The following FOXN3 variants were observed in gnomAD, a reference collection of about 807,000 sequenced individuals.
The protein encoded by FOXN3 is forkhead box protein N3.
FOXN3 carries 7 observed loss-of-function variants against 38.4 expected under a neutral mutation model. The ratio of observed to expected loss-of-function variants is 0.18; its 90% CI spans 0.10 to 0.34. The LOEUF is 0.34. Ranked by LOEUF, FOXN3 falls within the 10% of genes least tolerant of loss-of-function variation. The probability of loss-of-function intolerance (pLI) is 1.00; values close to 1 mark genes in which losing one functional copy is unlikely to be tolerated. For synonymous variants in FOXN3, 230 were observed against 242.2 expected (o/e 0.95, Z 0.47); for missense variants, 456 against 613.4 (o/e 0.74, Z 2.71).
At chr14:89,506,519 G>A (rs550840936) in intron 1 of FOXN3, among the ~76,000 whole-genome samples, 48 of 149,742 alleles carry the variant, frequency 3.2e-4, no homozygotes, top group South Asian at 1.5e-3. Flanking sequence ...TCAGCCCCCC[G>A]CCTGGCCAGC....
intron 1 of FOXN3, among the ~76,000 whole-genome samples, chr14:89,443,820 A>C (rs1046027541): frequency 2.0e-5 from 3 of 151,804 alleles, no homozygotes; most frequent in Non-Finnish European, 4.4e-5. Flanking sequence ...GACCAGCCTG[A>C]CCAACATGGA....
At chr14:89,476,877 C>G (rs1026885756) in intron 1 of FOXN3, among the ~76,000 whole-genome samples, 1 of 152,070 alleles carries the variant, frequency 6.6e-6, no homozygotes, top group African/African-American at 2.4e-5. Flanking sequence ...TGTCTTCAGA[C>G]CTGCAGTGAA....
At chr14:89,374,875 G>T (rs1485787839) in intron 2 of FOXN3, among the ~76,000 whole-genome samples, 1 of 151,992 alleles carries the variant, frequency 6.6e-6, no homozygotes, top group Non-Finnish European at 1.5e-5. Flanking sequence ...TACTCAGGAG[G>T]CTGAGGCAGG....
intron 1 of FOXN3, among the ~76,000 whole-genome samples, chr14:89,611,480 C>T (rs376289540): frequency 7.2e-5 from 11 of 152,062 alleles, no homozygotes; most frequent in African/African-American, 2.4e-4. Context: ...CAGGGATGGA[C>T]GAAGAGAAAG....
At chr14:89,389,537 C>T (rs977898458) in intron 2 of FOXN3, among the ~76,000 whole-genome samples, 1 of 152,188 alleles carries the variant, frequency 6.6e-6, no homozygotes, top group African/African-American at 2.4e-5. Flanking sequence ...CTATTATTAA[C>T]CTTTTTAATT....
intron 1 of FOXN3, among the ~76,000 whole-genome samples, chr14:89,597,702 A>G (rs1360081667): frequency 6.6e-6 from 1 of 152,186 alleles, no homozygotes; most frequent in Admixed American, 6.5e-5. Flanking sequence ...CCTTATCTCT[A>G]ACAGTGTTCC....
chr14:89,521,614 CA>C (rs1429098233), intron 1 of FOXN3, among the ~76,000 whole-genome samples: 1 of 151,992 alleles, frequency 6.6e-6, no homozygotes, highest in Non-Finnish European at 1.5e-5. Context: ...AAATAATGGC[CA>C]CAAACTTTCC....
chr14:89,265,023 AATT>A (rs1885926265), intron 4 of FOXN3, among the ~76,000 whole-genome samples: 1 of 152,186 alleles, frequency 6.6e-6, no homozygotes, highest in South Asian at 2.1e-4. Context: ...CCAGTCACCA[AATT>A]ATTATTTGGA....
chr14:89,486,228 G>A (rs1893444612), intron 1 of FOXN3, among the ~76,000 whole-genome samples: 2 of 152,172 alleles, frequency 1.3e-5, no homozygotes, highest in Non-Finnish European at 2.9e-5. Flanking sequence ...AGTAAAACAT[G>A]AGATTGTGGC....
intron 1 of FOXN3, among the ~76,000 whole-genome samples, chr14:89,452,595 T>A (rs1892635079): frequency 6.6e-6 from 1 of 152,136 alleles, no homozygotes; most frequent in Non-Finnish European, 1.5e-5. Flanking sequence ...TAGGCCACCT[T>A]CAAGAAGTTT....
At chr14:89,201,734 C>T (rs953450426) in intron 4 of FOXN3, among the ~76,000 whole-genome samples, 1 of 152,176 alleles carries the variant, frequency 6.6e-6, no homozygotes, top group Admixed American at 6.5e-5. Context: ...AGGTCATCTT[C>T]CCCAGTGATT....
intron 4 of FOXN3, among the ~76,000 whole-genome samples, chr14:89,254,620 T>G (rs1048214472): frequency 6.6e-6 from 1 of 152,078 alleles, no homozygotes; most frequent in African/African-American, 2.4e-5. Flanking sequence ...GAATTCAAAT[T>G]TTCAAAATCA....
intron 1 of FOXN3, among the ~76,000 whole-genome samples, chr14:89,445,104 C>T (rs181269232): frequency 2.3e-4 from 34 of 151,060 alleles, no homozygotes; most frequent in East Asian, 7.8e-4. Context: ...ACTACCTAGG[C>T]GACAGAACAA....
chr14:89,540,395 A>T (rs998700203), intron 1 of FOXN3, among the ~76,000 whole-genome samples: 6 of 152,138 alleles, frequency 3.9e-5, no homozygotes, highest in Middle Eastern at 3.2e-3. Context: ...GCATTTTTTT[A>T]AAATCTCGCA....
intron 1 of FOXN3, among the ~76,000 whole-genome samples, chr14:89,574,630 T>C (rs1442380473): frequency 2.6e-5 from 4 of 152,196 alleles, no homozygotes; most frequent in South Asian, 4.1e-4. Context: ...ATAGTGTTGG[T>C]ACATAACTGT....
rs150905483 is a variant in FOXN3, at chr14:89,359,800, C to G, written c.544-8992G>C. ...ACTGCAAGGGAGCAGGACAGGGCAA[C>G]AGCCTGACTTAGAGAATAAAGCTGG... On this transcript the variant is annotated intron_variant, in intron 2 of 5. Transcript: ENST00000557258. Among the ~76,000 whole-genome samples the G allele has an allele frequency of 6.6e-5, 10 of 152,308 alleles. 1 individual carries two copies. The East Asian group carries it at 1.9e-3, about 29-fold the overall frequency.
intron 3 of FOXN3, among the ~76,000 whole-genome samples, chr14:89,334,143 C>T (rs1888366319): frequency 6.6e-6 from 1 of 151,788 alleles, no homozygotes; most frequent in Non-Finnish European, 1.5e-5. Context: ...TGAAACAAGC[C>T]AGACACAGAA....
rs1268953546 is a variant in FOXN3, at chr14:89,162,156, GA to G, written c.*257del. 5 of 316,614 alleles carry G rather than the reference GA, an allele frequency of 1.6e-5. No individual in the cohort carries two copies. The highest frequency in any genetic ancestry group is 2.3e-5 in the Non-Finnish European group (4 of 175,966). The allele number at this position is 316,614 out of a possible 1,614,324, so 19.6% of individuals were successfully genotyped here. A position where few individuals can be genotyped will look rare whatever the true frequency, so the allele number is the denominator to read the frequency against. On this transcript the variant is annotated 3_prime_UTR_variant, in exon 6 of 6. Coordinates refer to ENST00000557258, the MANE Select transcript of FOXN3 (RefSeq NM_005197.4). The surrounding 1 kb of genome is among the most constrained non-coding windows in gnomAD (Gnocchi z 7.2). ...TTTTTCGGTTTTGTCTTCAGATAATGAAAAGCTTTTGTAAAACAGCTGAGTG... is the reference window on the plus strand; with the variant it reads ...TTTTTCGGTTTTGTCTTCAGATAATGAAAGCTTTTGTAAAACAGCTGAGTG...
At chr14:89,411,328 T>C (rs1891539885) in intron 2 of FOXN3, among the ~76,000 whole-genome samples, 1 of 152,214 alleles carries the variant, frequency 6.6e-6, no homozygotes, top group Non-Finnish European at 1.5e-5. Flanking sequence ...AATGGGACCC[T>C]CACTCTGAGC....
Sources: gnomAD v4.1 joint callset for allele counts (sites outside exome capture counted in the v4.1 genomes callset) on GRCh38, gnomAD v4.1.1 for gene constraint, Gnocchi (gnomAD v3.1) non-coding constraint, MANE v1.5 for transcripts, NCBI Gene and HGNC (gene_info 2026-07-23, HGNC 2026-07-21) for gene names.